The following PDE4D variants were observed in gnomAD, a reference collection of about 807,000 sequenced individuals.
The protein encoded by PDE4D is phosphodiesterase 4D, also known as 3',5'-cyclic-AMP phosphodiesterase 4D.
A neutral mutation model predicts 87.4 loss-of-function variants in PDE4D; 24 were observed. That is an observed-to-expected ratio of 0.27 (90% confidence interval 0.20 to 0.39). PDE4D has a LOEUF of 0.39. Among genes scored for constraint, PDE4D ranks in the 10% least tolerant of loss-of-function variants. PDE4D has a pLI of 1.00. For synonymous variants in PDE4D, 384 were observed against 383.2 expected, an observed-to-expected ratio of 1.00 and a Z score of -0.02; for missense variants, 714 against 1,041.0, an observed-to-expected ratio of 0.69 and a Z score of 4.32.
At chr5:59,684,456 T>C (rs1056506019) in intron 1 of PDE4D, among the ~76,000 whole-genome samples, 1 of 152,146 alleles carries the variant, frequency 6.6e-6, no homozygotes, top group African/African-American at 2.4e-5. Context: ...TACAAGAATT[T>C]TTGAATTACA....
chr5:59,218,565 G>A (rs1751775305), intron 1 of PDE4D, among the ~76,000 whole-genome samples: 1 of 151,980 alleles, frequency 6.6e-6, no homozygotes, highest in South Asian at 2.1e-4. Context: ...AGATATTCTA[G>A]GGGCTTTAAT....
At chr5:60,104,457 A>T (rs1417289748) in intron 2 of PDE4D, among the ~76,000 whole-genome samples, 1 of 152,246 alleles carries the variant, frequency 6.6e-6, no homozygotes, top group Non-Finnish European at 1.5e-5. Flanking sequence ...AAAAGACAGC[A>T]GTGACCTCTG....
At chr5:59,705,439 A>T (rs1197304466) in intron 1 of PDE4D, among the ~76,000 whole-genome samples, 1 of 152,078 alleles carries the variant, frequency 6.6e-6, no homozygotes, top group African/African-American at 2.4e-5. Flanking sequence ...AAACATAGGA[A>T]AGAGCCTCTT....
chr5:59,517,683 T>C (rs1370582530), intron 1 of PDE4D, among the ~76,000 whole-genome samples: 3 of 152,314 alleles, frequency 2.0e-5, no homozygotes, highest in Admixed American at 6.5e-5. Context: ...ATATATTTCA[T>C]AGGGTTGTAG....
intron 2 of PDE4D, among the ~76,000 whole-genome samples, chr5:60,042,435 T>C (rs1480536413): frequency 2.0e-5 from 3 of 152,222 alleles, no homozygotes; most frequent in Non-Finnish European, 4.4e-5. Flanking sequence ...AGCGCAGTGC[T>C]TGAGCTCTGC....
intron 1 of PDE4D, among the ~76,000 whole-genome samples, chr5:59,425,458 C>G (rs1192227381): frequency 6.6e-6 from 1 of 152,052 alleles, no homozygotes; most frequent in African/African-American, 2.4e-5. Context: ...AGCTACTTCC[C>G]ACTTATTACA....
intron 1 of PDE4D, among the ~76,000 whole-genome samples, chr5:60,236,232 A>C (rs1419378081): frequency 1.3e-5 from 2 of 151,976 alleles, no homozygotes; most frequent in Non-Finnish European, 2.9e-5. Flanking sequence ...ACTTTTAAAA[A>C]TCAATGAATT....
intron 1 of PDE4D, among the ~76,000 whole-genome samples, chr5:60,240,717 G>A (rs938528043): frequency 4.6e-5 from 7 of 152,086 alleles, no homozygotes; most frequent in African/African-American, 1.7e-4. Flanking sequence ...AGTAACGGAA[G>A]AGAACAATAA....
intron 1 of PDE4D, among the ~76,000 whole-genome samples, chr5:60,274,061 G>A (rs994203008): frequency 6.6e-6 from 1 of 152,138 alleles, no homozygotes. Flanking sequence ...GGAGGAAGCT[G>A]ATCCTCTCCT....
intron 3 of PDE4D, among the ~76,000 whole-genome samples, chr5:59,980,722 C>T (rs543040545): frequency 6.6e-6 from 1 of 152,064 alleles, no homozygotes; most frequent in African/African-American, 2.4e-5. Flanking sequence ...ACTGTGATAA[C>T]CTGAAAAAGA....
At chr5:59,340,785 G>A (rs1778592454) in intron 1 of PDE4D, among the ~76,000 whole-genome samples, 4 of 152,074 alleles carry the variant, frequency 2.6e-5, no homozygotes, top group Admixed American at 2.6e-4. Context: ...TACAAAGTTT[G>A]TCTTTCTGTG....
At chr5:59,132,268 T>C (rs1019306889) in intron 5 of PDE4D, among the ~76,000 whole-genome samples, 2 of 152,196 alleles carry the variant, frequency 1.3e-5, no homozygotes, top group Non-Finnish European at 2.9e-5. Context: ...TTCTCAATGG[T>C]GTGCCAAAGA....
chr5:60,313,257 C>T (rs927281874), intron 1 of PDE4D, among the ~76,000 whole-genome samples: 1 of 151,962 alleles, frequency 6.6e-6, no homozygotes, highest in Admixed American at 6.6e-5. Flanking sequence ...ATATTACCAT[C>T]GACCCAACAG....
intron 1 of PDE4D, among the ~76,000 whole-genome samples, chr5:59,829,046 G>T (rs770186168): frequency 6.6e-6 from 1 of 152,042 alleles, no homozygotes; most frequent in Admixed American, 6.6e-5. Flanking sequence ...GAGATAAATA[G>T]TATCTAGAGA....
intron 3 of PDE4D, among the ~76,000 whole-genome samples, chr5:59,953,571 G>A (rs1179760991): frequency 6.6e-6 from 1 of 152,120 alleles, no homozygotes; most frequent in Non-Finnish European, 1.5e-5. Context: ...CAGTAAGCTT[G>A]TAAATCTCCA....
At chr5:59,380,474 C>T (rs1489816196) in intron 1 of PDE4D, among the ~76,000 whole-genome samples, 2 of 150,946 alleles carry the variant, frequency 1.3e-5, no homozygotes, top group African/African-American at 4.9e-5. Context: ...ATTACAGCAA[C>T]ATGAAGGTGG....
intron 1 of PDE4D, among the ~76,000 whole-genome samples, chr5:60,206,341 C>A (rs777610942): frequency 1.3e-5 from 2 of 152,220 alleles, no homozygotes; most frequent in Non-Finnish European, 2.9e-5. Flanking sequence ...AATATACATA[C>A]TCTAAGGCTT....
At chr5:60,484,889 G>C (rs533731363) in intron 1 of PDE4D, among the ~76,000 whole-genome samples, 1 of 152,262 alleles carries the variant, frequency 6.6e-6, no homozygotes, top group East Asian at 1.9e-4. Context: ...TTCTCATTGT[G>C]ATGTGGATAT....
At chr5:60,037,480 T>C (rs1467485226) in intron 2 of PDE4D, among the ~76,000 whole-genome samples, 1 of 152,214 alleles carries the variant, frequency 6.6e-6, no homozygotes, top group African/African-American at 2.4e-5. Flanking sequence ...ACTTACTTTT[T>C]AGTCTGGGCC....
Sources: allele counts gnomAD v4.1 joint callset (sites outside exome capture counted in the v4.1 genomes callset), GRCh38; gene constraint gnomAD v4.1.1; transcripts MANE v1.5; gene names NCBI Gene and HGNC (gene_info 2026-07-23, HGNC 2026-07-21).